The following PREX1 variants were observed in gnomAD, a reference collection of about 807,000 sequenced individuals.
PREX1 encodes phosphatidylinositol 3,4,5-trisphosphate-dependent Rac exchanger 1 protein.
In PREX1, 41 loss-of-function variants were observed where a neutral mutation model predicts 198.3. That is an observed-to-expected ratio of 0.21 (90% CI 0.16 to 0.27). The LOEUF (loss-of-function observed/expected upper bound fraction) is 0.27, where lower values mean the gene tolerates loss of function less well. Among genes scored for constraint, PREX1 ranks in the 10% least tolerant of loss-of-function variants. PREX1 has a pLI of 1.00. For synonymous variants in PREX1, 843 were observed against 887.2 expected (o/e 0.95, Z 0.89); for missense variants, 1,620 against 2,200.7 (o/e 0.74, Z 5.28).
chr20:48,720,783 C>T (rs1420381910), intron 5 of PREX1, among the ~76,000 whole-genome samples: 1 of 151,866 alleles, frequency 6.6e-6, no homozygotes, highest in Non-Finnish European at 1.5e-5. Context: ...GGAGCGCGGA[C>T]CTCAGTATCA....
intron 1 of PREX1, among the ~76,000 whole-genome samples, chr20:48,760,210 G>A (rs2090173154): frequency 1.3e-5 from 2 of 151,994 alleles, no homozygotes; most frequent in Admixed American, 1.3e-4. Context: ...AGAACCCACT[G>A]TGCTTCCTAA....
chr20:48,713,857 T>TAAAAAAAAAAAAAAAAAAAAAAAA (rs71337452), intron 5 of PREX1, among the ~76,000 whole-genome samples: 2 of 81,738 alleles, frequency 2.4e-5, no homozygotes, highest in Non-Finnish European at 4.9e-5. Context: ...CCCAGAACTA[T>TAAAAAAAAAAAAAAAAAAAAAAAA]AAAAAAAAAA....
chr20:48,651,098 G>T, intron 22 of PREX1, 43 bp from the exon 23 acceptor site: 1 of 1,605,160 alleles, frequency 6.2e-7, no homozygotes, highest in South Asian at 1.1e-5. Context: ...CTGTGTGCCG[G>T]GAAGATTTTA....
chr20:48,641,623 CA>C (rs1392278879), intron 29 of PREX1, among the ~76,000 whole-genome samples: 140 of 140,578 alleles, frequency 1.0e-3, no homozygotes, highest in Admixed American at 1.1e-3. Flanking sequence ...ATGTCTCTAC[CA>C]AAAAAAAAAA....
chr20:48,703,449 T>C (rs1380926819), intron 6 of PREX1, among the ~76,000 whole-genome samples: 1 of 152,156 alleles, frequency 6.6e-6, no homozygotes, highest in Non-Finnish European at 1.5e-5. Flanking sequence ...AGGGCTGTCA[T>C]GAGGAAGAGC....
chr20:48,823,889 C>T (rs2090498180), intron 1 of PREX1, among the ~76,000 whole-genome samples: 1 of 152,144 alleles, frequency 6.6e-6, no homozygotes, highest in South Asian at 2.1e-4. Flanking sequence ...CAGAGCAGCT[C>T]ACTTAGATTC....
chr20:48,635,328 T>C (rs1285927945), intron 32 of PREX1, among the ~76,000 whole-genome samples: 1 of 152,190 alleles, frequency 6.6e-6, no homozygotes, highest in East Asian at 1.9e-4. Context: ...CTTGTCAAGA[T>C]GACACCAGGT....
chr20:48,845,144 G>T, the PREX1 span, among the ~76,000 whole-genome samples: 1,956 of 152,238 alleles, frequency 0.013, 47 homozygotes, highest in African/African-American at 0.045. Context: ...GCTCCTCTAT[G>T]CACTGGGCAT....
At chr20:48,882,154 T>C in the PREX1 span, among the ~76,000 whole-genome samples, 19 of 152,270 alleles carry the variant, frequency 1.2e-4, no homozygotes, top group South Asian at 6.2e-4. Context: ...CAACCATCAA[T>C]TGATGGACAT....
intron 30 of PREX1, among the ~76,000 whole-genome samples, chr20:48,638,458 TC>T (rs1015722483): frequency 2.0e-4 from 31 of 152,366 alleles, no homozygotes; most frequent in Middle Eastern, 3.4e-3. Context: ...AACATCCTGT[TC>T]TCTTTCCTTA....
chr20:48,878,046 T>C, the PREX1 span, among the ~76,000 whole-genome samples: 1 of 151,618 alleles, frequency 6.6e-6, no homozygotes, highest in Non-Finnish European at 1.5e-5. Context: ...GAAGCGGAGG[T>C]TGCAGTGAGC....
At chr20:48,794,027 G>T (rs1437680089) in intron 1 of PREX1, among the ~76,000 whole-genome samples, 1 of 152,164 alleles carries the variant, frequency 6.6e-6, no homozygotes, top group Non-Finnish European at 1.5e-5. Flanking sequence ...CCGGGCTAAA[G>T]GATCCCCTCA....
intron 15 of PREX1, among the ~76,000 whole-genome samples, chr20:48,660,481 AG>A (rs998177224): frequency 1.4e-5 from 2 of 147,166 alleles, no homozygotes; most frequent in African/African-American, 4.9e-5. Flanking sequence ...TGACTTGCCC[AG>A]GGGGGAAAAA....
the PREX1 span, among the ~76,000 whole-genome samples, chr20:48,883,802 A>G: frequency 2.0e-5 from 3 of 152,144 alleles, no homozygotes; most frequent in African/African-American, 7.2e-5. Flanking sequence ...TCAATGTAGC[A>G]ATACTCCCCA....
chr20:48,767,628 G>A (rs1164553657), intron 1 of PREX1, among the ~76,000 whole-genome samples: 2 of 152,202 alleles, frequency 1.3e-5, no homozygotes, highest in African/African-American at 4.8e-5. Flanking sequence ...TCAGTGCATC[G>A]ACGTAAAAGC....
intron 7 of PREX1, among the ~76,000 whole-genome samples, chr20:48,695,178 C>A (rs1281573967): frequency 6.6e-6 from 1 of 152,190 alleles, no homozygotes; most frequent in Non-Finnish European, 1.5e-5. Context: ...CCCTCTTCCC[C>A]TGACAAGGGT....
At chr20:48,747,096 TG>T (rs2090112226) in intron 2 of PREX1, among the ~76,000 whole-genome samples, 1 of 152,072 alleles carries the variant, frequency 6.6e-6, no homozygotes, top group Non-Finnish European at 1.5e-5. Flanking sequence ...AATAATTCGG[TG>T]TAGAGCTGTC....
At chr20:48,793,656 A>G (rs2090348133) in intron 1 of PREX1, among the ~76,000 whole-genome samples, 1 of 152,122 alleles carries the variant, frequency 6.6e-6, no homozygotes, top group Non-Finnish European at 1.5e-5. Context: ...TGGATTTGCA[A>G]CCCTTGCTCG....
chr20:48,678,811 T>C (rs925871652), intron 13 of PREX1, among the ~76,000 whole-genome samples: 2 of 152,126 alleles, frequency 1.3e-5, no homozygotes, highest in African/African-American at 4.8e-5. Flanking sequence ...CCTCCTTTTC[T>C]TTATAAATTA....
Sources: gnomAD v4.1 joint callset for allele counts (sites outside exome capture counted in the v4.1 genomes callset) on GRCh38, gnomAD v4.1.1 for gene constraint, MANE v1.5 for transcripts, NCBI Gene and HGNC (gene_info 2026-07-23, HGNC 2026-07-21) for gene names.